Variants in TTK observed in about 807,000 individuals in gnomAD.
TTK encodes dual specificity protein kinase TTK.
In TTK, 59 loss-of-function variants were observed where a neutral mutation model predicts 117.3. That is an observed-to-expected ratio of 0.50 (90% confidence interval 0.41 to 0.62). The LOEUF is 0.62. TTK is among the 20% of genes least tolerant of loss of function. The probability of loss-of-function intolerance (pLI) is 0.00; values close to 1 mark genes in which losing one functional copy is unlikely to be tolerated. For missense variants in TTK, 921 were observed against 989.4 expected, an observed-to-expected ratio of 0.93 and a Z score of 0.93; for synonymous variants, 302 against 325.0, an observed-to-expected ratio of 0.93 and a Z score of 0.76.
At position 80,022,800 on chromosome 6, in the gene TTK, T is replaced by G. The variant is rs541539002; in HGVS notation, c.1257+328T>G. 3.3e-5 allele frequency among the ~76,000 whole-genome samples: 5 copies of G among 152,334 alleles called. No homozygotes were observed. In the East Asian group the frequency reaches 9.6e-4, roughly 29 times the overall value. ...TCATTCATTTAATGTCTATGGCTGC[T>G]TTTGCATTATAAGAGCAGAGTTGAT... is the stretch of plus-strand genomic sequence containing the variant. On this transcript the variant is annotated intron_variant, in intron 11 of 21. Coordinates refer to ENST00000369798, the MANE Select transcript of TTK (RefSeq NM_003318.5).
intron 13 of TTK, among the ~76,000 whole-genome samples, chr6:80,030,596 G>C (rs1767731316): frequency 6.6e-6 from 1 of 152,090 alleles, no homozygotes; most frequent in African/African-American, 2.4e-5. Context: ...AATGTCACAT[G>C]GCTGGAGTGG....
At position 80,005,862 on chromosome 6, in the gene TTK, A is replaced by G. The variant is rs1766977934; in HGVS notation, c.19A>G (p.Ser7Gly). 1 of 1,612,622 alleles carries G rather than the reference A, an allele frequency of 6.2e-7. No individual in the cohort carries two copies. The highest frequency in any genetic ancestry group is 1.1e-5 in the South Asian group (1 of 90,860). ...CTTAGAAATGGAATCCGAGGATTTAAGTGGCAGAGAATTGACAATTGATTC... is the reference window on the plus strand; with the variant it reads ...CTTAGAAATGGAATCCGAGGATTTAGGTGGCAGAGAATTGACAATTGATTC... Reference protein sequence around the residue: MESEDLSGRELTIDSIM... With the variant: MESEDLGGRELTIDSIM... Residue 7 changes from serine to glycine, a missense_variant, in exon 2 of 22, where the codon AGT (serine) becomes GGT (glycine). Transcript: ENST00000369798.
At chr6:80,034,577 C>T (rs1455276041) in intron 14 of TTK, among the ~76,000 whole-genome samples, 1 of 152,156 alleles carries the variant, frequency 6.6e-6, no homozygotes, top group East Asian at 1.9e-4. Context: ...ATTGTCCCAC[C>T]TCAGCCTTCT....
At chr6:80,009,771 G>A (rs1767094460) in intron 4 of TTK, among the ~76,000 whole-genome samples, 1 of 152,014 alleles carries the variant, frequency 6.6e-6, no homozygotes, top group Non-Finnish European at 1.5e-5. Flanking sequence ...TGGCTTGGCT[G>A]TCAGGAAATA....
intron 17 of TTK, 72 bp from the exon 18 acceptor site, chr6:80,037,895 A>C (rs1011030548): frequency 1.3e-4 from 89 of 695,734 alleles, no homozygotes; most frequent in African/African-American, 5.1e-4. Flanking sequence ...TAATAATAAT[A>C]ATCTCAAAAA....
intron 17 of TTK, among the ~76,000 whole-genome samples, chr6:80,036,890 T>A (rs1767920804): frequency 6.6e-6 from 1 of 152,216 alleles, no homozygotes; most frequent in Non-Finnish European, 1.5e-5. Flanking sequence ...AAAATTGACC[T>A]GAAAATTTGG....
intron 16 of TTK, 106 bp downstream of exon 16, chr6:80,035,523 A>T: frequency 9.0e-7 from 1 of 1,110,412 alleles, no homozygotes; most frequent in Non-Finnish European, 1.2e-6. Context: ...GGTGTCTTTA[A>T]CGAGATCAAC....
Position 80,026,389 on chromosome 6 carries a change from C to G in TTK, c.1269C>G (p.Thr423=), listed in dbSNP as rs139578466. Residue 423 remains threonine (T), a synonymous_variant, in exon 12 of 22, where the codon ACC becomes ACG. Transcript: ENST00000369798. ...ARKVNTEQKH[T]TFEQPVFSVS... ...TTATTTTGTTTTAGCAGAAACATAC[C>G]ACTTTTGAGCAACCTGTCTTTTCAG... 1,037 of 1,611,010 alleles carry G rather than the reference C, an allele frequency of 6.4e-4. 5 individuals carry two copies. In the Middle Eastern group the frequency reaches 0.013, roughly 20 times the overall value.
intron 13 of TTK, among the ~76,000 whole-genome samples, chr6:80,031,161 T>A (rs1388892046): frequency 6.6e-6 from 1 of 151,430 alleles, no homozygotes; most frequent in African/African-American, 2.4e-5. Context: ...TATAATTTTA[T>A]ATTTTATTTT....
intron 20 of TTK, 124 bp downstream of exon 20, chr6:80,040,404 G>A: frequency 1.1e-6 from 1 of 947,978 alleles, no homozygotes; most frequent in Non-Finnish European, 1.5e-6. Context: ...TTTCCTTAAG[G>A]AAGTTCCATT....
chr6:80,037,901 A>T (rs914804006), intron 17 of TTK, 66 bp from the exon 18 acceptor site: 1 of 795,278 alleles, frequency 1.3e-6, no homozygotes, highest in Non-Finnish European at 1.8e-6. Flanking sequence ...TAATAATCTC[A>T]AAAAAAAATC....
chr6:80,026,740 A>G (rs374794141), intron 12 of TTK, among the ~76,000 whole-genome samples: 2 of 152,224 alleles, frequency 1.3e-5, no homozygotes, highest in African/African-American at 4.8e-5. Flanking sequence ...TTTCTGTCAT[A>G]TCGTAATCTG....
intron 2 of TTK, 135 bp downstream of exon 2, chr6:80,006,117 A>T (rs1436371479): frequency 4.0e-6 from 5 of 1,245,342 alleles, no homozygotes; most frequent in South Asian, 3.7e-5. Flanking sequence ...TGCAGGCTAC[A>T]TGATGGCAGG....
intron 6 of TTK, 89 bp downstream of exon 6, chr6:80,011,637 G>A (rs529556829): frequency 1.3e-6 from 2 of 1,543,250 alleles, no homozygotes; most frequent in African/African-American, 1.4e-5. Flanking sequence ...CTGCATATAT[G>A]TTTTCATGTG....
intron 13 of TTK, among the ~76,000 whole-genome samples, chr6:80,029,159 T>C (rs1278270365): frequency 6.6e-6 from 1 of 152,072 alleles, no homozygotes; most frequent in African/African-American, 2.4e-5. Context: ...AGAACAGTGG[T>C]TGTCAGGGAA....
intron 10 of TTK, among the ~76,000 whole-genome samples, chr6:80,019,522 G>A (rs937912794): frequency 1.3e-5 from 2 of 152,064 alleles, no homozygotes; most frequent in Admixed American, 6.5e-5. Context: ...CATGCCCTGA[G>A]CTTTTTCCAT....
rs1767129475 is a variant in TTK at position 80,010,943 on chromosome 6, A to G, written c.599A>G (p.Lys200Arg). Reference sequence around the variant, plus strand: ...AAGCAGCTGCTTTCAGAGGAGGAAAAGAAGAATTTATCAGGTAACTATTAA... The same window carrying G: ...AAGCAGCTGCTTTCAGAGGAGGAAAGGAAGAATTTATCAGGTAACTATTAA... The part of the protein sequence containing the change: ...QKKQLLSEEE[K>R]KNLSASTVLT... Residue 200 changes from lysine to arginine, a missense_variant, in exon 5 of 22, where the codon AAG (lysine) becomes AGG (arginine). Physicochemically the swap from Lys to Arg is conservative, Grantham distance 26. Transcript: ENST00000369798. 1.9e-6 allele frequency: 3 copies of G among 1,611,980 alleles called. No homozygotes were observed. Among genetic ancestry groups the G allele is most frequent in the Non-Finnish European group, 2.5e-6 (3 of 1,178,460 alleles).
In TTK at chr6:80,027,989, C is replaced by A. The variant is rs769516769; in HGVS notation, c.1499C>A (p.Ala500Asp). ...CAGCAGCAACAGCATCAAATACTTG[C>A]CACTCCACTTCAAAATTTACAGGTT... is the stretch of plus-strand genomic sequence containing the variant. ...CFQQQQHQIL[A>D]TPLQNLQVLA... The change falls in exon 13 of 22, where the codon GCC (alanine) becomes GAC (aspartate). Residue 500 changes from alanine (A) to aspartate (D), a missense_variant. Coordinates refer to ENST00000369798, the MANE Select transcript of TTK (RefSeq NM_003318.5). 1.2e-6 allele frequency: 2 copies of A among 1,602,450 alleles called. No individual in the cohort carries two copies. The highest frequency in any genetic ancestry group is 1.7e-5 in the Admixed American group (1 of 59,072).
At chr6:80,009,934 T>C (rs1767099193) in intron 4 of TTK, among the ~76,000 whole-genome samples, 1 of 152,096 alleles carries the variant, frequency 6.6e-6, no homozygotes, top group African/African-American at 2.4e-5. Flanking sequence ...TTTCTCTCTT[T>C]TCTTGTGCTA....
Sources: gnomAD v4.1 joint callset for allele counts (sites outside exome capture counted in the v4.1 genomes callset) on GRCh38, gnomAD v4.1.1 for gene constraint, MANE v1.5 for transcripts, NCBI Gene and HGNC (gene_info 2026-07-23, HGNC 2026-07-21) for gene names.